CNTN5: variants seen among roughly 807,000 people sequenced by gnomAD.
The protein encoded by CNTN5 is contactin-5.
In CNTN5, 77 loss-of-function variants were observed where a neutral mutation model predicts 129.1. The ratio of observed to expected loss-of-function variants is 0.60; its 90% CI spans 0.50 to 0.72. CNTN5 has a LOEUF of 0.72. CNTN5 is among the 30% of genes least tolerant of loss of function. The pLI, the probability that CNTN5 is intolerant of heterozygous loss-of-function variation, is 0.00. For synonymous variants in CNTN5, 509 were observed against 465.6 expected, an observed-to-expected ratio of 1.09 and a Z score of -1.20; for missense variants, 1,478 against 1,328.8, an observed-to-expected ratio of 1.11 and a Z score of -1.75.
chr11:100,301,435 C>G (rs1048359810), intron 20 of CNTN5, among the ~76,000 whole-genome samples: 1 of 151,452 alleles, frequency 6.6e-6, no homozygotes, highest in Non-Finnish European at 1.5e-5. Context: ...AGAAAATATG[C>G]ATATTTTCTT....
intron 3 of CNTN5, among the ~76,000 whole-genome samples, chr11:99,574,250 GC>G (rs1237322980): frequency 1.3e-5 from 2 of 152,110 alleles, no homozygotes; most frequent in Non-Finnish European, 2.9e-5. Flanking sequence ...CTTTTTTACA[GC>G]TGCATAGTAT....
intron 3 of CNTN5, among the ~76,000 whole-genome samples, chr11:99,656,067 T>C (rs1952352262): frequency 6.6e-6 from 1 of 152,044 alleles, no homozygotes; most frequent in Non-Finnish European, 1.5e-5. Context: ...TGTGTGTACA[T>C]ATGTGTAAGT....
At chr11:100,255,066 C>T (rs1401097211) in intron 16 of CNTN5, among the ~76,000 whole-genome samples, 2 of 152,118 alleles carry the variant, frequency 1.3e-5, no homozygotes, top group Non-Finnish European at 2.9e-5. Context: ...CTATACCATT[C>T]TTTCATAATC....
At chr11:99,554,022 A>G (rs1948589120) in intron 2 of CNTN5, among the ~76,000 whole-genome samples, 2 of 151,522 alleles carry the variant, frequency 1.3e-5, no homozygotes, top group Admixed American at 1.3e-4. Flanking sequence ...TTCTTCTTTT[A>G]CAAGAGATTT....
At chr11:99,456,559 T>G (rs1285542120) in intron 2 of CNTN5, among the ~76,000 whole-genome samples, 1 of 152,122 alleles carries the variant, frequency 6.6e-6, no homozygotes, top group Admixed American at 6.6e-5. Flanking sequence ...AGATCTAAAA[T>G]GACAGCTTTA....
chr11:99,148,184 G>C (rs538596847), intron 1 of CNTN5, among the ~76,000 whole-genome samples: 21 of 152,086 alleles, frequency 1.4e-4, no homozygotes, highest in African/African-American at 5.1e-4. Flanking sequence ...ACTAAAAAGG[G>C]CCTTTTAAAA....
intron 13 of CNTN5, among the ~76,000 whole-genome samples, chr11:100,159,304 A>G (rs545659319): frequency 6.6e-6 from 1 of 152,016 alleles, no homozygotes; most frequent in South Asian, 2.1e-4. Flanking sequence ...CCTCACCTTC[A>G]TAATGATTAC....
intron 1 of CNTN5, among the ~76,000 whole-genome samples, chr11:99,068,478 A>G (rs1231298539): frequency 2.6e-5 from 4 of 152,172 alleles, no homozygotes; most frequent in Admixed American, 6.5e-5. Flanking sequence ...CAGCTTGTTT[A>G]AAGGTATTAG....
chr11:99,077,739 A>G (rs1206650904), intron 1 of CNTN5, among the ~76,000 whole-genome samples: 1 of 152,148 alleles, frequency 6.6e-6, no homozygotes, highest in Non-Finnish European at 1.5e-5. Flanking sequence ...CTGTTAGTGA[A>G]TCAGTTCTCA....
At chr11:99,608,151 C>T (rs1290379383) in intron 3 of CNTN5, among the ~76,000 whole-genome samples, 1 of 151,450 alleles carries the variant, frequency 6.6e-6, no homozygotes, top group Non-Finnish European at 1.5e-5. Flanking sequence ...TCTATACTGC[C>T]AATCTCTTTT....
intron 10 of CNTN5, among the ~76,000 whole-genome samples, chr11:100,068,877 A>G (rs1458374920): frequency 3.3e-5 from 5 of 152,200 alleles, no homozygotes. Flanking sequence ...TCTTAGAAAC[A>G]AGTAACTAAC....
intron 1 of CNTN5, among the ~76,000 whole-genome samples, chr11:99,034,363 C>T (rs1863585067): frequency 6.6e-6 from 1 of 151,688 alleles, no homozygotes; most frequent in African/African-American, 2.4e-5. Flanking sequence ...CCTCCTTGTA[C>T]CTCTGGTAGA....
chr11:100,071,871 AC>A, intron 12 of CNTN5, 37 bp downstream of exon 12: 4 of 1,528,786 alleles, frequency 2.6e-6, no homozygotes, highest in Non-Finnish European at 3.5e-6. Flanking sequence ...GAAAAAAAAA[AC>A]CTTGCTTCTT....
In CNTN5 at chr11:99,659,417, G is replaced by T. The variant is rs1394439270; in HGVS notation, c.55+103148G>T. On this transcript the variant is annotated intron_variant, in intron 3 of 24. Coordinates refer to ENST00000524871, the MANE Select transcript of CNTN5 (RefSeq NM_014361.4). ...TTAAGCTAGTTTGTTTTAGGTTTTG[G>T]TAACTGTAAACCGTGTTTTAATTAA... 7.9e-5 allele frequency among the ~76,000 whole-genome samples: 12 copies of T among 152,040 alleles called. 1 individual carries two copies. The highest frequency in any genetic ancestry group is 2.9e-5 in the Non-Finnish European group (2 of 68,006).
chr11:100,223,737 C>T (rs527515342), intron 15 of CNTN5, among the ~76,000 whole-genome samples: 3 of 152,016 alleles, frequency 2.0e-5, no homozygotes, highest in South Asian at 2.1e-4. Context: ...TTCCAGTCAT[C>T]GTTAGATTAC....
intron 8 of CNTN5, among the ~76,000 whole-genome samples, chr11:99,970,896 C>G (rs956384782): frequency 1.3e-5 from 2 of 152,128 alleles, no homozygotes; most frequent in African/African-American, 4.8e-5. Flanking sequence ...GCCTTCCTCA[C>G]AGTTTTCTGA....
chr11:99,535,518 C>G (rs1412923621), intron 2 of CNTN5, among the ~76,000 whole-genome samples: 1 of 152,100 alleles, frequency 6.6e-6, no homozygotes, highest in East Asian at 1.9e-4. Flanking sequence ...CCATTAGAAT[C>G]ACATGGGGAG....
chr11:99,597,358 G>A (rs190715890), intron 3 of CNTN5, among the ~76,000 whole-genome samples: 8 of 152,248 alleles, frequency 5.3e-5, no homozygotes, highest in African/African-American at 1.9e-4. Context: ...CTTCAGGTTT[G>A]AGTAGTCTCT....
chr11:99,313,189 G>A lies in CNTN5; in HGVS notation c.-209-12157G>A, dbSNP rs189962791. 3.9e-3 allele frequency among the ~76,000 whole-genome samples: 585 copies of A among 150,772 alleles called. 4 individuals carry two copies. Among genetic ancestry groups the A allele is most frequent in the Non-Finnish European group, 3.9e-3 (266 of 67,676 alleles). Reference sequence around the variant, plus strand: ...ATAGAAATCAAATAGAAATCAAATCGGCTTTAACAGTTATGATGTAAGATT... The same window carrying A: ...ATAGAAATCAAATAGAAATCAAATCAGCTTTAACAGTTATGATGTAAGATT... On this transcript the variant is annotated intron_variant, in intron 1 of 24. Coordinates refer to ENST00000524871, the MANE Select transcript of CNTN5 (RefSeq NM_014361.4).
Sources: gnomAD v4.1 joint callset for allele counts (sites outside exome capture counted in the v4.1 genomes callset) on GRCh38, gnomAD v4.1.1 for gene constraint, MANE v1.5 for transcripts, NCBI Gene and HGNC (gene_info 2026-07-23, HGNC 2026-07-21) for gene names.